ATP8A1: variants seen among roughly 807,000 people sequenced by gnomAD.
The protein encoded by ATP8A1 is ATPase phospholipid transporting 8A1, also known as phospholipid-transporting ATPase IA.
Under a neutral mutation model 177.7 loss-of-function variants are expected in ATP8A1, and 90 were observed. That is an observed-to-expected ratio of 0.51 (90% CI 0.43 to 0.60). The LOEUF (loss-of-function observed/expected upper bound fraction) is 0.60. Among genes scored for constraint, ATP8A1 ranks in the 20% least tolerant of loss-of-function variants. The pLI is 0.00. For synonymous variants in ATP8A1, 493 were observed against 485.9 expected (o/e 1.01, Z -0.19); for missense variants, 1,072 against 1,392.8 (o/e 0.77, Z 3.67).
chr4:42,599,555 T>A (rs1321263969), intron 6 of ATP8A1, among the ~76,000 whole-genome samples: 3 of 152,124 alleles, frequency 2.0e-5, no homozygotes, highest in African/African-American at 7.2e-5. Flanking sequence ...TGATTGAAAA[T>A]CAACAGAAAT....
intron 2 of ATP8A1, chr4:42,626,427 C>T: frequency 6.6e-6 from 1 of 152,318 alleles, no homozygotes; most frequent in East Asian, 1.9e-4. Flanking sequence ...TGGAGAAACA[C>T]TTTATTGGTA....
intron 33 of ATP8A1, among the ~76,000 whole-genome samples, chr4:42,427,519 T>C (rs1429546117): frequency 2.0e-5 from 3 of 152,244 alleles, no homozygotes; most frequent in South Asian, 2.1e-4. Flanking sequence ...TAGGTATTTG[T>C]AGCAATTTAT....
chr4:42,493,244 C>T (rs552832144), intron 24 of ATP8A1, among the ~76,000 whole-genome samples: 2 of 152,206 alleles, frequency 1.3e-5, no homozygotes, highest in South Asian at 4.2e-4. Context: ...CGAAACATAC[C>T]CTATGGCTCA....
At position 42,569,202 on chromosome 4, in the gene ATP8A1, A is replaced by G; in HGVS notation, c.1299T>C (p.His433=). The G allele has an allele frequency of 1.9e-6, 3 of 1,606,782 alleles. No individual in the cohort carries two copies. The highest frequency in any genetic ancestry group is 1.7e-6 in the Non-Finnish European group (2 of 1,176,344). The change falls in exon 15 of 37, where the codon CAT becomes CAC. Residue 433 remains histidine, a synonymous_variant. Coordinates refer to ENST00000381668, the MANE Select transcript of ATP8A1 (RefSeq NM_006095.2). ...AGCCATAATCCTCAGGTTCAGGGAC[A>G]TGGCTTCAGAAAGCAAGAAGAGAGG... ...KCTIAGVAYG[H]VPEPEDYGCS...
intron 27 of ATP8A1, among the ~76,000 whole-genome samples, chr4:42,457,308 C>G (rs751410419): frequency 4.6e-5 from 7 of 152,122 alleles, no homozygotes; most frequent in Non-Finnish European, 1.0e-4. Flanking sequence ...ATTGTGTTTT[C>G]ACATTTGGCC....
At chr4:42,537,525 T>C (rs1415082077) in intron 20 of ATP8A1, among the ~76,000 whole-genome samples, 1 of 151,920 alleles carries the variant, frequency 6.6e-6, no homozygotes, top group African/African-American at 2.4e-5. Context: ...CCCTAAAAAC[T>C]CCTCCAAAAA....
chr4:42,548,624 T>C (rs1729170312), intron 19 of ATP8A1, among the ~76,000 whole-genome samples: 1 of 152,174 alleles, frequency 6.6e-6, no homozygotes, highest in South Asian at 2.1e-4. Context: ...CCCTACTTTA[T>C]TATCAAACAT....
chr4:42,415,932 A>G (rs1713192219), intron 35 of ATP8A1, among the ~76,000 whole-genome samples: 1 of 152,236 alleles, frequency 6.6e-6, no homozygotes, highest in African/African-American at 2.4e-5. Context: ...TCTTCCACAT[A>G]TATATTTTAA....
intron 23 of ATP8A1, among the ~76,000 whole-genome samples, chr4:42,505,130 T>C (rs1724239742): frequency 6.6e-6 from 1 of 152,218 alleles, no homozygotes. Context: ...TTTACTTTAC[T>C]GTGCGTTTCT....
At chr4:42,606,082 A>C (rs1352682903) in intron 5 of ATP8A1, among the ~76,000 whole-genome samples, 2 of 152,204 alleles carry the variant, frequency 1.3e-5, no homozygotes, top group African/African-American at 4.8e-5. Flanking sequence ...TTTCCACTCA[A>C]CATGCCATAA....
chr4:42,542,427 CTCT>C (rs1008892669), intron 20 of ATP8A1, among the ~76,000 whole-genome samples: 2 of 151,962 alleles, frequency 1.3e-5, no homozygotes, highest in African/African-American at 4.8e-5. Flanking sequence ...CTTAAAGGCT[CTCT>C]TTTTTAAAAA....
intron 27 of ATP8A1, among the ~76,000 whole-genome samples, chr4:42,460,176 A>G (rs1322553917): frequency 6.6e-6 from 1 of 152,120 alleles, no homozygotes; most frequent in African/African-American, 2.4e-5. Context: ...ACTAAGTTTC[A>G]ATTTTACTAG....
At chr4:42,577,293 A>C (rs1251017741) in intron 12 of ATP8A1, among the ~76,000 whole-genome samples, 1 of 152,092 alleles carries the variant, frequency 6.6e-6, no homozygotes, top group Non-Finnish European at 1.5e-5. Context: ...CTATTACGTA[A>C]TTTTTCAGCC....
At chr4:42,620,922 T>A (rs1737406107) in intron 4 of ATP8A1, among the ~76,000 whole-genome samples, 1 of 152,164 alleles carries the variant, frequency 6.6e-6, no homozygotes, top group African/African-American at 2.4e-5. Flanking sequence ...TGGGTTAACA[T>A]CCAACTTTCA....
rs375265839 is a variant in ATP8A1 at position 42,612,142 on chromosome 4, T to C, written c.409+3891A>G. On this transcript the variant is annotated intron_variant, in intron 5 of 36. Coordinates refer to ENST00000381668, the MANE Select transcript of ATP8A1 (RefSeq NM_006095.2). ...GAACTTCTGCCATATTTGGATTTTA[T>C]CAGTGACTGTGAAAGTCTGGGACAC... is the stretch of plus-strand genomic sequence containing the variant. Among the ~76,000 whole-genome samples the C allele has an allele frequency of 5.9e-5, 9 of 152,282 alleles. No individual in the cohort carries two copies. In the East Asian group the frequency reaches 1.7e-3, roughly 29 times the overall value.
chr4:42,534,717 T>C (rs1236404034), intron 20 of ATP8A1, among the ~76,000 whole-genome samples: 1 of 152,134 alleles, frequency 6.6e-6, no homozygotes, highest in Non-Finnish European at 1.5e-5. Context: ...CGGCAGGTTA[T>C]CTAAAGTCAA....
At chr4:42,633,736 G>C (rs936084740) in intron 1 of ATP8A1, among the ~76,000 whole-genome samples, 1 of 152,200 alleles carries the variant, frequency 6.6e-6, no homozygotes, top group African/African-American at 2.4e-5. Context: ...CACGTAGTAA[G>C]AGTTTAGTAA....
intron 19 of ATP8A1, among the ~76,000 whole-genome samples, chr4:42,546,831 CT>C (rs896432980): frequency 3.3e-5 from 5 of 152,290 alleles, no homozygotes; most frequent in African/African-American, 9.6e-5. Flanking sequence ...TTTGAATCCT[CT>C]TCTCCTGGCT....
At chr4:42,460,469 C>T (rs964960488) in intron 27 of ATP8A1, among the ~76,000 whole-genome samples, 1 of 146,486 alleles carries the variant, frequency 6.8e-6, no homozygotes, top group Non-Finnish European at 1.5e-5. Context: ...CTCACTGCAA[C>T]CTCTGCCTCC....
Sources: gnomAD v4.1 joint callset for allele counts (sites outside exome capture counted in the v4.1 genomes callset) on GRCh38, gnomAD v4.1.1 for gene constraint, MANE v1.5 for transcripts, NCBI Gene and HGNC (gene_info 2026-07-23, HGNC 2026-07-21) for gene names.